KLHL1: variants seen among roughly 807,000 people sequenced by gnomAD.
KLHL1 encodes kelch like family member 1.
Under a neutral mutation model 77.7 loss-of-function variants are expected in KLHL1, and 47 were observed. That is an observed-to-expected ratio of 0.60 (90% CI 0.48 to 0.77). The LOEUF (loss-of-function observed/expected upper bound fraction) is 0.77. KLHL1 is among the 30% of genes least tolerant of loss of function. The probability of loss-of-function intolerance (pLI) is 0.00; values close to 1 mark genes in which losing one functional copy is unlikely to be tolerated. For missense variants in KLHL1, 925 were observed against 910.8 expected, an observed-to-expected ratio of 1.02 and a Z score of -0.20; for synonymous variants, 360 against 325.2, an observed-to-expected ratio of 1.11 and a Z score of -1.15.
At chr13:69,908,789 T>A (rs1010393545) in intron 4 of KLHL1, among the ~76,000 whole-genome samples, 1 of 151,416 alleles carries the variant, frequency 6.6e-6, no homozygotes, top group African/African-American at 2.4e-5. Flanking sequence ...AATAAATTCC[T>A]TTTTTATCAA....
intron 9 of KLHL1, among the ~76,000 whole-genome samples, chr13:69,712,332 T>C (rs1875914493): frequency 6.6e-6 from 1 of 152,002 alleles, no homozygotes; most frequent in South Asian, 2.1e-4. Flanking sequence ...AATATTTAAA[T>C]CTAAAATCCA....
intron 1 of KLHL1, among the ~76,000 whole-genome samples, chr13:70,034,047 C>CA (rs1886182765): frequency 1.3e-5 from 2 of 152,162 alleles, no homozygotes; most frequent in Non-Finnish European, 1.5e-5. Context: ...TAAATAGAGT[C>CA]AAAAAATAAC....
Position 69,932,471 on chromosome 13 carries a change from G to A in KLHL1, c.1014+7569C>T, listed in dbSNP as rs971682517. ...TGTAAGAATGTTTCTTATCCAGAAG[G>A]GAATACTACATCTTAAATGATTGAA... On this transcript the variant is annotated intron_variant, in intron 4 of 10. Transcript: ENST00000377844. 2.6e-5 allele frequency among the ~76,000 whole-genome samples: 4 copies of A among 151,688 alleles called. No individual in the cohort carries two copies. The South Asian group carries it at 8.3e-4, about 31-fold the overall frequency.
chr13:69,914,809 AG>A (rs1320796877), intron 4 of KLHL1, among the ~76,000 whole-genome samples: 1 of 152,206 alleles, frequency 6.6e-6, no homozygotes, highest in Non-Finnish European at 1.5e-5. Flanking sequence ...TCAATCATTT[AG>A]GATAGGAATT....
Position 70,008,641 on chromosome 13 carries a change from C to A in KLHL1, c.498-32839G>T, listed in dbSNP as rs1441570. Among the ~76,000 whole-genome samples, 963 of 152,170 alleles carry A rather than the reference C, an allele frequency of 6.3e-3. 9 individuals are homozygous for A. The highest frequency in any genetic ancestry group is 0.022 in the African/African-American group (897 of 41,542). On this transcript the variant is annotated intron_variant, in intron 1 of 10. Coordinates refer to ENST00000377844, the MANE Select transcript of KLHL1 (RefSeq NM_020866.3). Reference sequence around the variant, plus strand: ...TAGTGTGGTTTTCATTTACAACCCACAATTATTCTCCTCACATCTTTTTCC... The same window carrying A: ...TAGTGTGGTTTTCATTTACAACCCAAAATTATTCTCCTCACATCTTTTTCC...
At chr13:69,836,488 C>G (rs774122923) in intron 6 of KLHL1, among the ~76,000 whole-genome samples, 4 of 151,966 alleles carry the variant, frequency 2.6e-5, no homozygotes, top group Non-Finnish European at 5.9e-5. Flanking sequence ...TCAGGGCTCA[C>G]CAAGAATGAG....
rs149017565 is a variant in KLHL1, at chr13:69,889,216, G to A, written c.1015-6721C>T. Among the ~76,000 whole-genome samples, 1,098 of 152,066 alleles carry A rather than the reference G, an allele frequency of 7.2e-3. 14 individuals carry two copies. The highest frequency in any genetic ancestry group is 0.023 in the African/African-American group (974 of 41,514). On this transcript the variant is annotated intron_variant, in intron 4 of 10. Coordinates refer to ENST00000377844, the MANE Select transcript of KLHL1 (RefSeq NM_020866.3). ...TTCTAACTTTCTCAGGGTTTAAAAC[G>A]AATTTTACTGGGCTTTTGATTATTT...
At chr13:69,770,636 G>C (rs997332963) in intron 7 of KLHL1, among the ~76,000 whole-genome samples, 22 of 152,190 alleles carry the variant, frequency 1.4e-4, no homozygotes, top group African/African-American at 5.3e-4. Flanking sequence ...ACTGTCCTAA[G>C]ACATTAATCT....
intron 5 of KLHL1, among the ~76,000 whole-genome samples, chr13:69,874,664 G>A (rs1039715340): frequency 6.6e-6 from 1 of 152,154 alleles, no homozygotes; most frequent in South Asian, 2.1e-4. Flanking sequence ...AAAAATAACT[G>A]TTCTTGCACT....
intron 8 of KLHL1, among the ~76,000 whole-genome samples, chr13:69,726,741 T>G (rs1037610314): frequency 3.3e-5 from 5 of 152,130 alleles, no homozygotes; most frequent in Non-Finnish European, 5.9e-5. Flanking sequence ...AAACTGTCAG[T>G]TCAACCTTAA....
intron 3 of KLHL1, among the ~76,000 whole-genome samples, chr13:69,942,110 T>G (rs767241764): frequency 1.6e-4 from 24 of 152,050 alleles, no homozygotes; most frequent in Non-Finnish European, 5.9e-5. Context: ...ATATCCTATT[T>G]TATTCATTTT....
chr13:70,028,921 G>A (rs936983257), intron 1 of KLHL1, among the ~76,000 whole-genome samples: 1 of 151,434 alleles, frequency 6.6e-6, no homozygotes, highest in African/African-American at 2.4e-5. Flanking sequence ...TGGCTGCAGT[G>A]AGCTGTGATT....
At chr13:70,035,318 A>C (rs544454368) in intron 1 of KLHL1, among the ~76,000 whole-genome samples, 1 of 152,170 alleles carries the variant, frequency 6.6e-6, no homozygotes, top group South Asian at 2.1e-4. Context: ...TATTAAGTGA[A>C]ATAAGACAGG....
chr13:69,786,357 T>C (rs149698035), intron 7 of KLHL1, among the ~76,000 whole-genome samples: 38,116 of 151,648 alleles, frequency 0.25, 4,899 homozygotes, highest in South Asian at 0.34. Flanking sequence ...TCAATATACG[T>C]GAATCAATAA....
At chr13:70,044,956 A>T (rs1282154904) in intron 1 of KLHL1, among the ~76,000 whole-genome samples, 1 of 152,210 alleles carries the variant, frequency 6.6e-6, no homozygotes, top group African/African-American at 2.4e-5. Context: ...TGGGAAAGTC[A>T]TTTAACCTTC....
intron 1 of KLHL1, among the ~76,000 whole-genome samples, chr13:70,073,758 G>C (rs1322143216): frequency 3.9e-5 from 6 of 152,028 alleles, no homozygotes; most frequent in Admixed American, 3.9e-4. Flanking sequence ...GCTTGGGTGA[G>C]AGGGTGAGAC....
intron 4 of KLHL1, among the ~76,000 whole-genome samples, chr13:69,899,550 G>A (rs748240100): frequency 1.3e-5 from 2 of 152,156 alleles, no homozygotes; most frequent in Non-Finnish European, 2.9e-5. Flanking sequence ...ATTGATGCTA[G>A]TCATAACAGT....
intron 7 of KLHL1, among the ~76,000 whole-genome samples, chr13:69,796,348 C>T (rs1877107146): frequency 6.6e-6 from 1 of 152,122 alleles, no homozygotes; most frequent in African/African-American, 2.4e-5. Flanking sequence ...ATGTTTGGAT[C>T]ATGGGAGCGG....
intron 5 of KLHL1, among the ~76,000 whole-genome samples, chr13:69,873,621 G>A (rs1004268888): frequency 1.3e-5 from 2 of 151,656 alleles, no homozygotes; most frequent in African/African-American, 4.8e-5. Flanking sequence ...TCACATTCCA[G>A]ACAAATAACA....
Sources: allele counts gnomAD v4.1 joint callset (sites outside exome capture counted in the v4.1 genomes callset), GRCh38; gene constraint gnomAD v4.1.1; transcripts MANE v1.5; gene names NCBI Gene and HGNC (gene_info 2026-07-23, HGNC 2026-07-21).